SORCS3: variants seen among roughly 807,000 people sequenced by gnomAD.
SORCS3 encodes VPS10 domain-containing receptor SorCS3.
SORCS3 carries 57 observed loss-of-function variants against 146.3 expected under a neutral mutation model. That is an observed-to-expected ratio of 0.39 (90% confidence interval 0.31 to 0.49). SORCS3 has a LOEUF of 0.49. Ranked by LOEUF, SORCS3 falls within the 20% of genes least tolerant of loss-of-function variation. SORCS3 has a pLI of 0.92. For missense variants in SORCS3, 1,341 were observed against 1,575.5 expected (o/e 0.85, Z 2.52); for synonymous variants, 653 against 618.5 (o/e 1.06, Z -0.83).
chr10:104,890,657 C>G (rs2018740520), intron 2 of SORCS3, among the ~76,000 whole-genome samples: 1 of 152,132 alleles, frequency 6.6e-6, no homozygotes, highest in African/African-American at 2.4e-5. Flanking sequence ...AATTCTGTCA[C>G]CTGTGTCATT....
chr10:104,920,286 T>C (rs955867241), intron 3 of SORCS3, among the ~76,000 whole-genome samples: 2 of 152,258 alleles, frequency 1.3e-5, no homozygotes, highest in Non-Finnish European at 2.9e-5. Context: ...GGCAAAACAG[T>C]AAATTGAGTT....
intron 1 of SORCS3, among the ~76,000 whole-genome samples, chr10:104,642,390 C>G (rs2015435681): frequency 7.2e-6 from 1 of 139,666 alleles, no homozygotes; most frequent in African/African-American, 2.7e-5. Flanking sequence ...CACCCCACCC[C>G]CACCCCCCCT....
chr10:105,056,501 C>T (rs965806294), intron 5 of SORCS3, among the ~76,000 whole-genome samples: 1 of 152,190 alleles, frequency 6.6e-6, no homozygotes, highest in Non-Finnish European at 1.5e-5. Flanking sequence ...GTGGTTTGGA[C>T]TTGTCTATCT....
intron 3 of SORCS3, among the ~76,000 whole-genome samples, chr10:104,939,968 A>C (rs1024199268): frequency 2.0e-5 from 3 of 151,892 alleles, no homozygotes; most frequent in African/African-American, 4.8e-5. Context: ...GGGTTCTTGG[A>C]TGTCATGCAA....
chr10:105,239,580 G>A (rs1362982364), intron 20 of SORCS3, among the ~76,000 whole-genome samples: 1 of 152,136 alleles, frequency 6.6e-6, no homozygotes, highest in Non-Finnish European at 1.5e-5. Flanking sequence ...TCTCTGTGGG[G>A]AGGGATGTAG....
At chr10:104,734,033 C>G (rs551706268) in intron 1 of SORCS3, among the ~76,000 whole-genome samples, 2 of 152,222 alleles carry the variant, frequency 1.3e-5, no homozygotes, top group South Asian at 4.2e-4. Flanking sequence ...CAGACAATAA[C>G]TGGATTGAGG....
chr10:105,023,590 G>A (rs529908522), intron 4 of SORCS3, among the ~76,000 whole-genome samples: 5 of 152,254 alleles, frequency 3.3e-5, no homozygotes, highest in African/African-American at 7.2e-5. Flanking sequence ...TGTTTGAGTC[G>A]CAGGCTGTGC....
chr10:105,019,826 T>G (rs1166854239), intron 4 of SORCS3, among the ~76,000 whole-genome samples: 1 of 152,212 alleles, frequency 6.6e-6, no homozygotes, highest in Non-Finnish European at 1.5e-5. Flanking sequence ...AGGCATTTGT[T>G]AAATGAGTGA....
chr10:105,215,643 C>T (rs913229188), intron 18 of SORCS3, among the ~76,000 whole-genome samples: 18 of 152,256 alleles, frequency 1.2e-4, no homozygotes, highest in African/African-American at 3.8e-4. Flanking sequence ...TGAAGAGCCA[C>T]GATCTTATCC....
intron 5 of SORCS3, among the ~76,000 whole-genome samples, chr10:105,062,994 C>T (rs148014958): frequency 2.6e-5 from 4 of 152,208 alleles, no homozygotes; most frequent in East Asian, 1.9e-4. Flanking sequence ...AAACAGCAGC[C>T]GGGGGAAGTG....
At chr10:104,957,970 C>T (rs1217552778) in intron 3 of SORCS3, among the ~76,000 whole-genome samples, 5 of 151,906 alleles carry the variant, frequency 3.3e-5, no homozygotes, top group East Asian at 1.9e-4. Context: ...AATTTGCAGC[C>T]GAAGGGATGA....
intron 7 of SORCS3, among the ~76,000 whole-genome samples, chr10:105,121,060 C>G (rs943066257): frequency 6.6e-6 from 1 of 152,134 alleles, no homozygotes; most frequent in South Asian, 2.1e-4. Flanking sequence ...CAGGAGACTA[C>G]AAGAGTTTCT....
intron 6 of SORCS3, among the ~76,000 whole-genome samples, chr10:105,100,860 A>G (rs791104): frequency 0.51 from 76,894 of 152,148 alleles, 19,673 homozygotes; most frequent in Middle Eastern, 0.54. Context: ...AATGTGCTAA[A>G]CAATTTTCAT....
intron 6 of SORCS3, 97 bp downstream of exon 6, chr10:105,089,936 G>A (rs1196589645): frequency 2.1e-6 from 2 of 936,472 alleles, no homozygotes; most frequent in Non-Finnish European, 3.4e-6. Context: ...AAGATGAAAA[G>A]CTCTGAGCTC....
intron 3 of SORCS3, among the ~76,000 whole-genome samples, chr10:104,933,306 ATTT>A (rs57235182): frequency 1.4e-5 from 2 of 146,276 alleles, no homozygotes; most frequent in African/African-American, 5.0e-5. Flanking sequence ...TCCTCTGGCT[ATTT>A]TTTTTTTTTT....
chr10:104,652,568 G>A (rs1354687294), intron 1 of SORCS3, among the ~76,000 whole-genome samples: 3 of 152,214 alleles, frequency 2.0e-5, no homozygotes, highest in Non-Finnish European at 2.9e-5. Flanking sequence ...ACCAGATGCA[G>A]CTCTTGCCTT....
chr10:105,047,583 C>A (rs1196023976), intron 5 of SORCS3, among the ~76,000 whole-genome samples: 3 of 151,994 alleles, frequency 2.0e-5, no homozygotes, highest in Admixed American at 6.6e-5. Context: ...ATTAGGAAAC[C>A]TTTAAGAAGA....
intron 3 of SORCS3, among the ~76,000 whole-genome samples, chr10:104,938,828 G>T (rs1347809202): frequency 6.6e-6 from 1 of 152,176 alleles, no homozygotes; most frequent in Non-Finnish European, 1.5e-5. Context: ...GCTGCCTTGC[G>T]GGGGAAGCCG....
intron 2 of SORCS3, among the ~76,000 whole-genome samples, chr10:104,902,767 C>T (rs2018864649): frequency 6.6e-6 from 1 of 152,132 alleles, no homozygotes; most frequent in South Asian, 2.1e-4. Flanking sequence ...CTCACTGAAT[C>T]CTCCTAATAA....
Sources: gnomAD v4.1 joint callset for allele counts (sites outside exome capture counted in the v4.1 genomes callset) on GRCh38, gnomAD v4.1.1 for gene constraint, MANE v1.5 for transcripts, NCBI Gene and HGNC (gene_info 2026-07-23, HGNC 2026-07-21) for gene names.